RBFOX1: variants seen among roughly 807,000 people sequenced by gnomAD.
RBFOX1 encodes the protein RNA binding protein fox-1 homolog 1.
RBFOX1 carries 8 observed loss-of-function variants against 57.7 expected under a neutral mutation model. That is an observed-to-expected ratio of 0.14 (90% confidence interval 0.08 to 0.25). The LOEUF is 0.25. RBFOX1 is among the 10% of genes least tolerant of loss of function. The pLI, the probability that RBFOX1 is intolerant of heterozygous loss-of-function variation, is 1.00. For missense variants in RBFOX1, 611 were observed against 548.5 expected (o/e 1.11, Z -1.14); for synonymous variants, 326 against 222.4 (o/e 1.47, Z -4.15).
chr16:6,431,570 G>T (rs551333536), intron 2 of RBFOX1, among the ~76,000 whole-genome samples: 3 of 152,176 alleles, frequency 2.0e-5, no homozygotes, highest in African/African-American at 7.2e-5. Flanking sequence ...GGGTGTAAAT[G>T]GTGGGATTTG....
chr16:5,584,793 G>A (rs2046780328), intron 2 of RBFOX1, among the ~76,000 whole-genome samples: 2 of 152,140 alleles, frequency 1.3e-5, no homozygotes, highest in South Asian at 4.1e-4. Context: ...CAGTGAATTG[G>A]CAACTGTATT....
chr16:6,891,468 A>AGG, intron 3 of RBFOX1, among the ~76,000 whole-genome samples: 1 of 144,426 alleles, frequency 6.9e-6, no homozygotes, highest in South Asian at 2.2e-4. Flanking sequence ...CACACACTAG[A>AGG]GAGAGAGAGA....
At chr16:6,926,888 T>C (rs369018945) in intron 3 of RBFOX1, among the ~76,000 whole-genome samples, 9 of 152,118 alleles carry the variant, frequency 5.9e-5, no homozygotes, top group African/African-American at 2.2e-4. Context: ...ACCTGCGCAT[T>C]GTCCTAGCAG....
chr16:5,877,612 A>G (rs1414687445), intron 4 of RBFOX1, among the ~76,000 whole-genome samples: 1 of 152,254 alleles, frequency 6.6e-6, no homozygotes, highest in East Asian at 1.9e-4. Flanking sequence ...GGTGTTAAAC[A>G]GCAGCTTTTA....
intron 2 of RBFOX1, among the ~76,000 whole-genome samples, chr16:6,383,135 A>G (rs756130198): frequency 3.3e-5 from 5 of 152,230 alleles, no homozygotes; most frequent in African/African-American, 4.8e-5. Flanking sequence ...AGGGTATACT[A>G]TGGGCTTCGC....
rs186978105 is a variant in RBFOX1, at chr16:6,370,227, G to A, written c.-64+53170G>A. Among the ~76,000 whole-genome samples, 27 of 151,684 alleles carry A rather than the reference G, an allele frequency of 1.8e-4. No individual in the cohort carries two copies. The East Asian group carries it at 5.1e-3, about 29-fold the overall frequency. ...CAAAAAATTAGCTGGGCGGGGTGGC[G>A]GGCGGCTGTAGTCCCAGCTACTGGG... is the stretch of plus-strand genomic sequence containing the variant. On this transcript the variant is annotated intron_variant, in intron 2 of 15. Coordinates refer to ENST00000550418, the MANE Select transcript of RBFOX1 (RefSeq NM_018723.4).
At chr16:7,677,118 TGCTC>T (rs2073509134) in intron 14 of RBFOX1, among the ~76,000 whole-genome samples, 1 of 62,598 alleles carries the variant, frequency 1.6e-5, no homozygotes, top group African/African-American at 4.5e-5. Flanking sequence ...CAACGCACCT[TGCTC>T]ACATACACAT....
chr16:7,565,432 T>C (rs1385562648), intron 5 of RBFOX1, among the ~76,000 whole-genome samples: 1 of 152,190 alleles, frequency 6.6e-6, no homozygotes, highest in African/African-American at 2.4e-5. Flanking sequence ...CGATATTATT[T>C]TCTGAGCTTA....
intron 14 of RBFOX1, among the ~76,000 whole-genome samples, chr16:7,703,723 C>G (rs1288089114): frequency 1.3e-5 from 2 of 152,160 alleles, no homozygotes; most frequent in African/African-American, 2.4e-5. Flanking sequence ...TTAACAAACA[C>G]GGGTTTATAT....
chr16:5,799,460 A>G (rs924862095), intron 3 of RBFOX1, among the ~76,000 whole-genome samples: 2 of 152,232 alleles, frequency 1.3e-5, no homozygotes, highest in Non-Finnish European at 2.9e-5. Flanking sequence ...GGTTTGAGTT[A>G]TAATTTTTCA....
At chr16:6,113,123 C>T (rs9921786) in intron 1 of RBFOX1, among the ~76,000 whole-genome samples, 38,940 of 152,026 alleles carry the variant, frequency 0.26, 6,854 homozygotes, top group African/African-American at 0.47. Flanking sequence ...CTAGTCCGGA[C>T]TGGATTGTAG....
intron 1 of RBFOX1, among the ~76,000 whole-genome samples, chr16:6,263,886 C>T (rs1237431854): frequency 6.6e-6 from 1 of 152,106 alleles, no homozygotes; most frequent in Admixed American, 6.6e-5. Context: ...TAGCAGTGGC[C>T]ACCACCAGCA....
At chr16:7,352,071 C>T (rs1291129202) in intron 4 of RBFOX1, among the ~76,000 whole-genome samples, 3 of 152,134 alleles carry the variant, frequency 2.0e-5, no homozygotes, top group Admixed American at 1.3e-4. Flanking sequence ...ACGCTGTAGG[C>T]ATATGGTCTT....
At position 6,760,928 on chromosome 16, in the gene RBFOX1, C is replaced by T. The variant is rs940733456; in HGVS notation, c.-16+106278C>T. ...TTCCTAGCACTGCGTCTGGTCAATG[C>T]CACCCATCAGGATCGGACTGTAATG... On this transcript the variant is annotated intron_variant, in intron 3 of 15. Transcript: ENST00000550418. 5.7e-4 allele frequency among the ~76,000 whole-genome samples: 87 copies of T among 152,300 alleles called. 1 individual carries two copies. Among genetic ancestry groups the T allele is most frequent in the Non-Finnish European group, 1.0e-4 (7 of 68,026 alleles).
intron 2 of RBFOX1, among the ~76,000 whole-genome samples, chr16:6,361,158 G>T (rs2088420589): frequency 6.6e-6 from 1 of 152,034 alleles, no homozygotes; most frequent in African/African-American, 2.4e-5. Context: ...ATGTTATCAG[G>T]TTATGTGTCT....
intron 3 of RBFOX1, among the ~76,000 whole-genome samples, chr16:6,773,133 G>A (rs1402882623): frequency 7.0e-6 from 1 of 143,760 alleles, no homozygotes; most frequent in Non-Finnish European, 1.5e-5. Context: ...TTGGGGTGTG[G>A]GGTGCATTTG....
At chr16:5,758,218 A>G (rs150893252) in intron 3 of RBFOX1, among the ~76,000 whole-genome samples, 1 of 152,230 alleles carries the variant, frequency 6.6e-6, no homozygotes, top group African/African-American at 2.4e-5. Context: ...TATTAATCCT[A>G]CATGTTCTCG....
intron 3 of RBFOX1, among the ~76,000 whole-genome samples, chr16:6,782,098 C>G (rs2081119647): frequency 6.6e-6 from 1 of 152,114 alleles, no homozygotes; most frequent in Non-Finnish European, 1.5e-5. Flanking sequence ...CCTCCGCCTC[C>G]TGGGTTCACG....
At chr16:5,974,494 C>G (rs1163574534) in intron 4 of RBFOX1, among the ~76,000 whole-genome samples, 2 of 151,968 alleles carry the variant, frequency 1.3e-5, no homozygotes, top group Admixed American at 6.6e-5. Context: ...CCTGTAATCC[C>G]AGCTACTCGG....
Sources: gnomAD v4.1 joint callset for allele counts (sites outside exome capture counted in the v4.1 genomes callset) on GRCh38, gnomAD v4.1.1 for gene constraint, MANE v1.5 for transcripts, NCBI Gene and HGNC (gene_info 2026-07-23, HGNC 2026-07-21) for gene names.